The following SEM1 variants were observed in gnomAD, a reference collection of about 807,000 sequenced individuals.
SEM1 encodes the protein SEM1 26S proteasome subunit.
A neutral mutation model predicts 12.7 loss-of-function variants in SEM1; 3 were observed. That is an observed-to-expected ratio of 0.24 (90% CI 0.11 to 0.61). The LOEUF is 0.61. Among genes scored for constraint, SEM1 ranks in the 20% least tolerant of loss-of-function variants. SEM1 has a pLI of 0.88. For synonymous variants in SEM1, 30 were observed against 27.8 expected, an observed-to-expected ratio of 1.08 and a Z score of -0.25; for missense variants, 59 against 81.3, an observed-to-expected ratio of 0.73 and a Z score of 1.06.
chr7:96,688,980 G>GA lies in SEM1; in HGVS notation c.171-15dup, dbSNP rs1789844626. 6.7e-7 allele frequency: 1 copy of GA among 1,501,040 alleles called. No individual in the cohort carries two copies. The highest frequency in any genetic ancestry group is 9.3e-7 in the Non-Finnish European group (1 of 1,080,182). The allele number at this position is 1,501,040 out of a possible 1,614,324, so 93.0% of individuals were successfully genotyped here. A position where few individuals can be genotyped will look rare whatever the true frequency, so the allele number is the denominator to read the frequency against. On this transcript the variant is annotated splice_polypyrimidine_tract_variant and intron_variant, in intron 2 of 2. Transcript: ENST00000248566. ...TCTAGTTCAGCTCTAAGATAAAACA[G>GA]AAAGAACATCACTAGGTATTCTTTA...
At chr7:96,497,869 A>C (rs1333307408), upstream of SEM1, among the ~76,000 whole-genome samples, 1 of 152,180 alleles carries the variant, frequency 6.6e-6, no homozygotes, top group African/African-American at 2.4e-5. Flanking sequence ...ACAGATGAGG[A>C]CTTCAAACAC....
intron 1 of SEM1, among the ~76,000 whole-genome samples, chr7:96,700,287 T>C (rs1790231633): frequency 6.6e-6 from 1 of 152,104 alleles, no homozygotes; most frequent in South Asian, 2.1e-4. Context: ...AACAATACAA[T>C]TTCCACCAAA....
intron 1 of SEM1, among the ~76,000 whole-genome samples, chr7:96,496,027 A>G (rs1803234463): frequency 6.6e-6 from 1 of 152,152 alleles, no homozygotes; most frequent in African/African-American, 2.4e-5. Context: ...TTCATTGTAC[A>G]AACAGACAGC....
At chr7:96,583,606 T>G (rs1806497320) in intron 2 of SEM1, among the ~76,000 whole-genome samples, 1 of 150,096 alleles carries the variant, frequency 6.7e-6, no homozygotes, top group South Asian at 2.2e-4. Context: ...TGTGGGAGTT[T>G]AAGTCTCTTT....
exon 2 of SEM1, chr7:96,486,343 C>T (rs1157247117): frequency 1.3e-5 from 20 of 1,536,904 alleles, no homozygotes; most frequent in Middle Eastern, 1.7e-4. Flanking sequence ...TGCTGGGTCT[C>T]CTCCCCCTTT....
intron 2 of SEM1, among the ~76,000 whole-genome samples, chr7:96,617,185 G>T (rs1374734884): frequency 6.6e-6 from 1 of 151,986 alleles, no homozygotes; most frequent in South Asian, 2.1e-4. Context: ...TGAGCATGGG[G>T]TGTTTTTTTC....
At chr7:96,598,174 A>G (rs1041313685) in intron 2 of SEM1, among the ~76,000 whole-genome samples, 3 of 152,138 alleles carry the variant, frequency 2.0e-5, no homozygotes, top group Non-Finnish European at 4.4e-5. Context: ...TAAACTTTAA[A>G]TTGTTATCTA....
intron 2 of SEM1, among the ~76,000 whole-genome samples, chr7:96,509,998 G>T (rs1803888232): frequency 6.6e-6 from 1 of 151,994 alleles, no homozygotes; most frequent in Admixed American, 6.6e-5. Flanking sequence ...ACAAAAATGT[G>T]ATATACTTAA....
chr7:96,509,056 AG>A (rs1803845713), intron 2 of SEM1, among the ~76,000 whole-genome samples: 1 of 150,186 alleles, frequency 6.7e-6, no homozygotes, highest in Non-Finnish European at 1.5e-5. Flanking sequence ...GCACAATCTC[AG>A]CTCACTGCAA....
intron 2 of SEM1, among the ~76,000 whole-genome samples, chr7:96,508,968 A>T (rs1282917368): frequency 6.6e-6 from 1 of 150,586 alleles, no homozygotes; most frequent in African/African-American, 2.4e-5. Flanking sequence ...AAATTAAATG[A>T]CAATTTTTAC....
chr7:96,591,891 C>T (rs1806841247), intron 2 of SEM1, among the ~76,000 whole-genome samples: 1 of 151,068 alleles, frequency 6.6e-6, no homozygotes, highest in Admixed American at 6.6e-5. Context: ...GTATTTCCTG[C>T]TCATGTGTTG....
chr7:96,667,577 T>C (rs1174925141), intron 2 of SEM1, among the ~76,000 whole-genome samples: 1 of 152,212 alleles, frequency 6.6e-6, no homozygotes, highest in African/African-American at 2.4e-5. Context: ...TTTGGATATA[T>C]GAATGTCACC....
At chr7:96,663,303 G>C (rs1271862478) in intron 2 of SEM1, among the ~76,000 whole-genome samples, 1 of 152,208 alleles carries the variant, frequency 6.6e-6, no homozygotes, top group African/African-American at 2.4e-5. Flanking sequence ...GAGAGAAAGA[G>C]GAGGTAAGAG....
chr7:96,483,796 T>A, exon 4 of SEM1: 1 of 1,531,350 alleles, frequency 6.5e-7, no homozygotes, highest in Non-Finnish European at 8.8e-7. Flanking sequence ...GGTATCAGCA[T>A]GTTTACTTCA....
At chr7:96,627,088 AT>A (rs2116315418) in intron 2 of SEM1, among the ~76,000 whole-genome samples, 1 of 152,078 alleles carries the variant, frequency 6.6e-6, no homozygotes, top group African/African-American at 2.4e-5. Flanking sequence ...GATCCTGTGA[AT>A]TTCTGCAGTA....
At chr7:96,693,551 A>G (rs1789991761) in intron 2 of SEM1, among the ~76,000 whole-genome samples, 2 of 152,030 alleles carry the variant, frequency 1.3e-5, no homozygotes. Context: ...AAGCACAAAT[A>G]ACAAAAGAAA....
chr7:96,513,259 C>T (rs1803988514), intron 2 of SEM1, among the ~76,000 whole-genome samples: 1 of 152,000 alleles, frequency 6.6e-6, no homozygotes, highest in Admixed American at 6.6e-5. Flanking sequence ...CTCTCACAGC[C>T]CCAAGAAGGA....
At chr7:96,562,627 G>A (rs999917566) in intron 2 of SEM1, among the ~76,000 whole-genome samples, 6 of 152,116 alleles carry the variant, frequency 3.9e-5, no homozygotes, top group African/African-American at 1.2e-4. Context: ...CCATATTCAA[G>A]GGAGACACTC....
chr7:96,501,228 G>A (rs1171235319), upstream of SEM1, among the ~76,000 whole-genome samples: 1 of 152,036 alleles, frequency 6.6e-6, no homozygotes, highest in Non-Finnish European at 1.5e-5. Context: ...AGTCTCAGTA[G>A]GTCTGAAAGC....
Sources: gnomAD v4.1 joint callset for allele counts (sites outside exome capture counted in the v4.1 genomes callset) on GRCh38, gnomAD v4.1.1 for gene constraint, MANE v1.5 for transcripts, NCBI Gene and HGNC (gene_info 2026-07-23, HGNC 2026-07-21) for gene names.